ATP6V1A: variants seen among roughly 807,000 people sequenced by gnomAD.
The protein encoded by ATP6V1A is ATPase H+ transporting V1 subunit A.
Under a neutral mutation model 70.1 loss-of-function variants are expected in ATP6V1A, and 18 were observed. The observed-to-expected ratio is 0.26, with a 90% CI of 0.18 to 0.38. ATP6V1A has a LOEUF of 0.38. Ranked by LOEUF, ATP6V1A falls within the 10% of genes least tolerant of loss-of-function variation. The pLI is 1.00. For missense variants in ATP6V1A, 424 were observed against 772.4 expected (o/e 0.55, Z 5.35); for synonymous variants, 232 against 253.8 (o/e 0.91, Z 0.82).
chr3:113,781,038 T>G lies in ATP6V1A; in HGVS notation c.83-12T>G. ...GTCTTAAGTCATCAAAATAGTCTTTTGTTCTCTTCAGTGGTTACAGCCTGT... is the reference window on the plus strand; with the variant it reads ...GTCTTAAGTCATCAAAATAGTCTTTGGTTCTCTTCAGTGGTTACAGCCTGT... On this transcript the variant is annotated splice_polypyrimidine_tract_variant and intron_variant, in intron 2 of 14. Coordinates refer to ENST00000273398, the MANE Select transcript of ATP6V1A (RefSeq NM_001690.4). 6.3e-7 allele frequency: 1 copy of G among 1,589,618 alleles called. No homozygotes were observed.
At chr3:113,787,245 G>A (rs1709048382) in intron 6 of ATP6V1A, among the ~76,000 whole-genome samples, 1 of 152,198 alleles carries the variant, frequency 6.6e-6, no homozygotes, top group Non-Finnish European at 1.5e-5. Context: ...GATTTTTGGT[G>A]AAGGAAATCT....
intron 3 of ATP6V1A, 43 bp downstream of exon 3, chr3:113,781,221 A>C (rs766679383): frequency 1.3e-6 from 2 of 1,567,744 alleles, no homozygotes; most frequent in Non-Finnish European, 1.7e-6. Flanking sequence ...CTATATTTCA[A>C]AATTTAAGGA....
chr3:113,751,785 A>G (rs1203606902), intron 1 of ATP6V1A, among the ~76,000 whole-genome samples: 1 of 151,630 alleles, frequency 6.6e-6, no homozygotes, highest in African/African-American at 2.4e-5. Context: ...GTATCTTCGT[A>G]GTAACATATT....
intron 14 of ATP6V1A, among the ~76,000 whole-genome samples, chr3:113,807,480 C>G (rs1018767743): frequency 6.6e-6 from 1 of 152,110 alleles, no homozygotes; most frequent in African/African-American, 2.4e-5. Context: ...TACGCTAAAC[C>G]AAATTTCTTA....
intron 8 of ATP6V1A, among the ~76,000 whole-genome samples, chr3:113,793,052 T>G (rs991492809): frequency 2.6e-5 from 4 of 151,002 alleles, no homozygotes; most frequent in Non-Finnish European, 5.9e-5. Context: ...TTTTTTGTTG[T>G]TTTTTTTTGT....
chr3:113,749,123 C>T (rs1708556638), intron 1 of ATP6V1A, among the ~76,000 whole-genome samples: 1 of 152,162 alleles, frequency 6.6e-6, no homozygotes, highest in Non-Finnish European at 1.5e-5. Flanking sequence ...TGCAGTTTTA[C>T]TTCACAATTC....
At chr3:113,807,900 G>A (rs558684904) in intron 14 of ATP6V1A, among the ~76,000 whole-genome samples, 2 of 152,100 alleles carry the variant, frequency 1.3e-5, no homozygotes, top group South Asian at 2.1e-4. Context: ...TTGGCAGGCC[G>A]AGGCGGGTGG....
chr3:113,753,291 C>CTGCT (rs1204762581), intron 1 of ATP6V1A, among the ~76,000 whole-genome samples: 2 of 152,218 alleles, frequency 1.3e-5, no homozygotes, highest in Non-Finnish European at 1.5e-5. Flanking sequence ...GGTAAACCTA[C>CTGCT]TGCTAGCAGG....
At chr3:113,767,672 G>A (rs1458983405) in intron 1 of ATP6V1A, among the ~76,000 whole-genome samples, 1 of 149,434 alleles carries the variant, frequency 6.7e-6, no homozygotes, top group Non-Finnish European at 1.5e-5. Context: ...TTTTTTTTTA[G>A]TTGGAGTCTT....
chr3:113,793,174 C>T (rs542274654), intron 8 of ATP6V1A, among the ~76,000 whole-genome samples: 27 of 152,264 alleles, frequency 1.8e-4, no homozygotes, highest in Non-Finnish European at 1.5e-5. Context: ...GTTCTACAAC[C>T]TCAGCCTCCC....
intron 1 of ATP6V1A, among the ~76,000 whole-genome samples, chr3:113,767,464 G>A (rs1439087087): frequency 6.6e-6 from 1 of 152,088 alleles, no homozygotes; most frequent in Non-Finnish European, 1.5e-5. Context: ...TGGAAGGGAG[G>A]AAGTAGGAAA....
At chr3:113,771,419 A>G (rs1301928218) in intron 1 of ATP6V1A, among the ~76,000 whole-genome samples, 1 of 141,168 alleles carries the variant, frequency 7.1e-6, no homozygotes, top group East Asian at 2.1e-4. Context: ...AAACACTTGC[A>G]TATTTTTCTC....
intron 8 of ATP6V1A, 69 bp downstream of exon 8, chr3:113,789,909 C>T: frequency 8.5e-7 from 1 of 1,173,468 alleles, no homozygotes; most frequent in South Asian, 1.3e-5. Context: ...CCAAACTTTT[C>T]TAAAGAGCTT....
intron 1 of ATP6V1A, among the ~76,000 whole-genome samples, chr3:113,777,128 T>A (rs1708923252): frequency 6.6e-6 from 1 of 152,268 alleles, no homozygotes; most frequent in Non-Finnish European, 1.5e-5. Flanking sequence ...TTAAGGTAGA[T>A]CAGCAGTCAC....
chr3:113,777,705 A>G (rs181660576), intron 1 of ATP6V1A, among the ~76,000 whole-genome samples: 20 of 152,262 alleles, frequency 1.3e-4, no homozygotes, highest in Admixed American at 3.9e-4. Context: ...GTGAGCCATG[A>G]TCACACCATT....
chr3:113,765,986 T>C (rs959439770), intron 1 of ATP6V1A, among the ~76,000 whole-genome samples: 7 of 152,170 alleles, frequency 4.6e-5, no homozygotes, highest in African/African-American at 1.7e-4. Context: ...AATTACTCCT[T>C]AGTTTGTATT....
intron 1 of ATP6V1A, among the ~76,000 whole-genome samples, chr3:113,747,839 G>A (rs1169355932): frequency 1.3e-5 from 2 of 152,204 alleles, no homozygotes; most frequent in Non-Finnish European, 2.9e-5. Context: ...TGGTATTGTG[G>A]TGTTGTGGTG....
chr3:113,748,630 T>A (rs1213554011), intron 1 of ATP6V1A, among the ~76,000 whole-genome samples: 1 of 152,224 alleles, frequency 6.6e-6, no homozygotes, highest in African/African-American at 2.4e-5. Flanking sequence ...GTTAAAATTC[T>A]ACAATAGCAG....
In ATP6V1A at chr3:113,772,933, C is replaced by CTTTTTTTT. The variant is rs762901487; in HGVS notation, c.-13-5793_-13-5786dup. Among the ~76,000 whole-genome samples, 267 of 90,450 alleles carry CTTTTTTTT rather than the reference C, an allele frequency of 3.0e-3. 28 individuals carry two copies. The highest frequency in any genetic ancestry group is 0.019 in the East Asian group (52 of 2,758). 59.3% of individuals were successfully genotyped at this position (90,450 alleles called of 152,430 possible). Reference sequence around the variant, plus strand: ...CATTTTTTTCTCCACTTAATATTGGCTTTTTTTTTTTTTTTTTTTTTTGAG... The same window carrying CTTTTTTTT: ...CATTTTTTTCTCCACTTAATATTGGCTTTTTTTTTTTTTTTTTTTTTTTTTTTTTTGAG... On this transcript the variant is annotated intron_variant, in intron 1 of 14. Coordinates refer to ENST00000273398, the MANE Select transcript of ATP6V1A (RefSeq NM_001690.4).
Sources: gnomAD v4.1 joint callset for allele counts (sites outside exome capture counted in the v4.1 genomes callset) on GRCh38, gnomAD v4.1.1 for gene constraint, MANE v1.5 for transcripts, NCBI Gene and HGNC (gene_info 2026-07-23, HGNC 2026-07-21) for gene names.